Variants in OR14A2 observed in about 807,000 individuals in gnomAD.
OR14A2 encodes the protein olfactory receptor 14A2.
For missense variants in OR14A2, 237 were observed against 152.9 expected (o/e 1.55, Z -2.90); for synonymous variants, 114 against 58.6 (o/e 1.95, Z -4.32).
At chr1:247,731,930 GAAT>G in the OR14A2 span, among the ~76,000 whole-genome samples, 1 of 151,976 alleles carries the variant, frequency 6.6e-6, no homozygotes, top group Admixed American at 6.6e-5. Flanking sequence ...AATTTATCCT[GAAT>G]ATTATGAAAG....
exon 1 of OR14A2, chr1:247,723,366 G>C: frequency 1.4e-6 from 1 of 717,578 alleles, no homozygotes; most frequent in Non-Finnish European, 2.6e-6. Context: ...TAGTGGTAGG[G>C]ATCTTCAGTA....
chr1:247,725,181 T>C (rs955119781), upstream of OR14A2, among the ~76,000 whole-genome samples: 3 of 152,046 alleles, frequency 2.0e-5, no homozygotes, highest in Admixed American at 6.6e-5. Context: ...GCTTTCTATG[T>C]GGGTGACCTG....
chr1:247,745,926 G>T, the OR14A2 span, among the ~76,000 whole-genome samples: 15 of 152,132 alleles, frequency 9.9e-5, no homozygotes, highest in African/African-American at 3.6e-4. Flanking sequence ...GTAAAGTGTT[G>T]TTCTTTCCAA....
At chr1:247,731,419 C>T in the OR14A2 span, among the ~76,000 whole-genome samples, 1 of 152,030 alleles carries the variant, frequency 6.6e-6, no homozygotes, top group East Asian at 1.9e-4. Context: ...ACTTTGCTTT[C>T]AATAGTTTTA....
chr1:247,738,307 C>T, the OR14A2 span, among the ~76,000 whole-genome samples: 1 of 152,130 alleles, frequency 6.6e-6, no homozygotes, highest in African/African-American at 2.4e-5. Flanking sequence ...ATAGCCAACC[C>T]TGTAATTCCC....
chr1:247,737,416 A>C, the OR14A2 span, among the ~76,000 whole-genome samples: 4 of 150,484 alleles, frequency 2.7e-5, no homozygotes, highest in Non-Finnish European at 5.9e-5. Context: ...GCTATGTTGC[A>C]AACTTTGGGT....
Position 247,723,252 on chromosome 1 carries a change from T to C in OR14A2, c.792A>G (p.Ser264=), listed in dbSNP as rs527464206. Residue 264 remains serine (S), a synonymous_variant, in exon 1 of 1, where the codon TCA becomes TCG. Coordinates refer to ENST00000366485, the Ensembl canonical transcript of OR14A2. ...AAAGCAGCCTGTCAATAACAGATGG[T>C]GAATTTGAAGGTGGCTTAAGATAAA... 1.3e-4 allele frequency: 90 copies of C among 715,382 alleles called. No homozygotes were observed. In the South Asian group the frequency reaches 1.3e-3, roughly 10 times the overall value. The allele number at this position is 715,382 out of a possible 1,614,324, so 44.3% of individuals were successfully genotyped here.
upstream of OR14A2, among the ~76,000 whole-genome samples, chr1:247,727,457 A>G (rs546336507): frequency 2.0e-5 from 3 of 152,192 alleles, no homozygotes; most frequent in East Asian, 3.9e-4. Flanking sequence ...GTTAATGCCC[A>G]CAAGAGAAAG....
At chr1:247,725,924 T>C (rs1233064932), upstream of OR14A2, among the ~76,000 whole-genome samples, 1 of 122,360 alleles carries the variant, frequency 8.2e-6, no homozygotes, top group African/African-American at 3.7e-5. Flanking sequence ...CTTAATCCAG[T>C]CTATCATTGT....
chr1:247,736,393 A>T, the OR14A2 span, among the ~76,000 whole-genome samples: 1 of 152,156 alleles, frequency 6.6e-6, no homozygotes, highest in Non-Finnish European at 1.5e-5. Context: ...TGAGACTCAG[A>T]TTGCATATTT....
At chr1:247,732,797 G>A in the OR14A2 span, among the ~76,000 whole-genome samples, 3 of 152,104 alleles carry the variant, frequency 2.0e-5, no homozygotes, top group Admixed American at 1.3e-4. Context: ...CAACAACATG[G>A]ATGAATCTTG....
exon 1 of OR14A2, chr1:247,723,217 T>A (rs959716611): frequency 1.4e-6 from 1 of 717,572 alleles, no homozygotes; most frequent in Non-Finnish European, 2.6e-6. Context: ...CATCACAGTG[T>A]AGATCACAGA....
At chr1:247,739,218 G>A in the OR14A2 span, 2 of 780,810 alleles carry the variant, frequency 2.6e-6, no homozygotes, top group African/African-American at 1.7e-5. Flanking sequence ...GGCCATTGGG[G>A]TCTGTTATGC....
At chr1:247,728,573 G>A (rs951377881), upstream of OR14A2, among the ~76,000 whole-genome samples, 47 of 152,126 alleles carry the variant, frequency 3.1e-4, no homozygotes, top group African/African-American at 8.7e-4. Context: ...GTTCTGGCCC[G>A]GGCATTTAGG....
chr1:247,745,782 T>A, the OR14A2 span, among the ~76,000 whole-genome samples: 1 of 152,154 alleles, frequency 6.6e-6, no homozygotes, highest in African/African-American at 2.4e-5. Context: ...GACAAATATA[T>A]GCACATCAGA....
At chr1:247,747,550 GA>G in the OR14A2 span, among the ~76,000 whole-genome samples, 3 of 151,938 alleles carry the variant, frequency 2.0e-5, no homozygotes, top group Admixed American at 6.6e-5. Context: ...TTTTGGTAGA[GA>G]GGGGGTTTCG....
the OR14A2 span, chr1:247,738,894 G>A: frequency 1.3e-6 from 1 of 780,548 alleles, no homozygotes; most frequent in East Asian, 2.4e-5. Flanking sequence ...CTCCTTCCTG[G>A]GGTGTGTGTT....
At chr1:247,734,235 C>T in the OR14A2 span, among the ~76,000 whole-genome samples, 3 of 152,168 alleles carry the variant, frequency 2.0e-5, no homozygotes, top group South Asian at 2.1e-4. Flanking sequence ...CCTGGGGGCA[C>T]GCATGCACAG....
At chr1:247,745,477 C>G in the OR14A2 span, among the ~76,000 whole-genome samples, 2 of 151,274 alleles carry the variant, frequency 1.3e-5, no homozygotes, top group Non-Finnish European at 2.9e-5. Flanking sequence ...CTTCCCTAAG[C>G]AAAACCCCAA....
Sources: gnomAD v4.1 joint callset for allele counts (sites outside exome capture counted in the v4.1 genomes callset) on GRCh38, gnomAD v4.1.1 for gene constraint, MANE v1.5 for transcripts, NCBI Gene and HGNC (gene_info 2026-07-23, HGNC 2026-07-21) for gene names.